The following RNGTT variants were observed in gnomAD, a reference collection of about 807,000 sequenced individuals.
RNGTT encodes the protein RNA guanylyltransferase and 5'-phosphatase, also known as mRNA-capping enzyme.
RNGTT carries 33 observed loss-of-function variants against 79.3 expected under a neutral mutation model. The observed-to-expected ratio is 0.42, with a 90% CI of 0.32 to 0.56. The LOEUF is 0.56. Among genes scored for constraint, RNGTT ranks in the 20% least tolerant of loss-of-function variants. RNGTT has a pLI of 0.17. For synonymous variants in RNGTT, 222 were observed against 235.9 expected, an observed-to-expected ratio of 0.94 and a Z score of 0.54; for missense variants, 497 against 739.1, an observed-to-expected ratio of 0.67 and a Z score of 3.80.
At chr6:88,818,849 G>GT (rs1780411739) in intron 11 of RNGTT, among the ~76,000 whole-genome samples, 1 of 152,110 alleles carries the variant, frequency 6.6e-6, no homozygotes, top group East Asian at 1.9e-4. Context: ...TAATCATTAT[G>GT]TTTTTTCTAT....
At chr6:88,679,596 G>A (rs1363226116) in intron 13 of RNGTT, among the ~76,000 whole-genome samples, 3 of 152,116 alleles carry the variant, frequency 2.0e-5, no homozygotes, top group Non-Finnish European at 4.4e-5. Context: ...AATGGTAATG[G>A]TTATGGTCTC....
chr6:88,749,466 G>A (rs1777772060), intron 13 of RNGTT, among the ~76,000 whole-genome samples: 1 of 150,376 alleles, frequency 6.6e-6, no homozygotes, highest in Non-Finnish European at 1.5e-5. Flanking sequence ...TTTAAATTGA[G>A]CAGGGAAAAA....
At chr6:88,945,004 G>T (rs1784959487) in intron 1 of RNGTT, among the ~76,000 whole-genome samples, 1 of 152,188 alleles carries the variant, frequency 6.6e-6, no homozygotes, top group South Asian at 2.1e-4. Context: ...CATCCCAGCA[G>T]CTTCTGCTGA....
chr6:88,867,894 T>C (rs1285537560), intron 8 of RNGTT, among the ~76,000 whole-genome samples: 1 of 152,234 alleles, frequency 6.6e-6, no homozygotes, highest in East Asian at 1.9e-4. Context: ...TTAATTATAC[T>C]GAAAATGGGA....
chr6:88,782,940 G>A (rs974822841), intron 12 of RNGTT, among the ~76,000 whole-genome samples: 4 of 152,028 alleles, frequency 2.6e-5, no homozygotes, highest in African/African-American at 4.8e-5. Context: ...TGTATACTTC[G>A]GTGAGAATGT....
intron 13 of RNGTT, among the ~76,000 whole-genome samples, chr6:88,707,613 G>C (rs773769442): frequency 6.6e-6 from 1 of 151,638 alleles, no homozygotes; most frequent in Non-Finnish European, 1.5e-5. Context: ...CTTAATGTCA[G>C]TGCCTGTTTC....
intron 1 of RNGTT, among the ~76,000 whole-genome samples, chr6:88,950,731 C>T (rs116550012): frequency 0.024 from 3,608 of 152,094 alleles, 147 homozygotes; most frequent in African/African-American, 0.08. Flanking sequence ...ACTCAGGAGG[C>T]GGGGATGGGA....
At chr6:88,847,303 C>T (rs1008997770) in intron 10 of RNGTT, among the ~76,000 whole-genome samples, 6 of 151,814 alleles carry the variant, frequency 4.0e-5, no homozygotes, top group African/African-American at 1.5e-4. Context: ...TCTTTGTATA[C>T]CCAGTACATA....
chr6:88,656,955 T>C (rs1014698465), intron 14 of RNGTT, among the ~76,000 whole-genome samples: 5 of 151,914 alleles, frequency 3.3e-5, no homozygotes, highest in Non-Finnish European at 7.4e-5. Context: ...CTGAACATGG[T>C]GGCAACATGC....
intron 12 of RNGTT, among the ~76,000 whole-genome samples, chr6:88,776,190 C>T (rs1431440611): frequency 6.6e-6 from 1 of 152,146 alleles, no homozygotes; most frequent in Admixed American, 6.6e-5. Context: ...CCTTCACCAA[C>T]TATTTTGTAT....
rs139725617 is a variant in RNGTT at position 88,883,853 on chromosome 6, AAAAG to A, written c.896+6638_896+6641del. Among the ~76,000 whole-genome samples the A allele has an allele frequency of 4.8e-3, 729 of 152,336 alleles. 2 individuals are homozygous for A. Among genetic ancestry groups the A allele is most frequent in the African/African-American group, 0.017 (691 of 41,572 alleles). On this transcript the variant is annotated intron_variant, in intron 8 of 15. Transcript: ENST00000369485. ...CATGAACAAAGTCAAAAGACAACAGAAAAGAAACAAGGACAGATAATTCACAAAA... is the reference window on the plus strand; with the variant it reads ...CATGAACAAAGTCAAAAGACAACAGAAAACAAGGACAGATAATTCACAAAA...
intron 11 of RNGTT, among the ~76,000 whole-genome samples, chr6:88,835,026 T>C (rs1280656502): frequency 6.6e-6 from 1 of 152,118 alleles, no homozygotes; most frequent in Non-Finnish European, 1.5e-5. Context: ...ATCTTAACAT[T>C]TACTACTCTT....
rs73754804 is a variant in RNGTT at position 88,708,757 on chromosome 6, T to A, written c.1440-30338A>T. Among the ~76,000 whole-genome samples, 442 of 152,312 alleles carry A rather than the reference T, an allele frequency of 2.9e-3. 3 individuals are homozygous for A. The highest frequency in any genetic ancestry group is 9.9e-3 in the African/African-American group (413 of 41,570). ...AAAATGGCATTTATGCTATTTTTTT[T>A]AATTTTTTAATTTTCCCTGTTGTTG... On this transcript the variant is annotated intron_variant, in intron 13 of 15. Coordinates refer to ENST00000369485, the MANE Select transcript of RNGTT (RefSeq NM_003800.5).
chr6:88,652,062 A>G (rs1422095483), intron 14 of RNGTT, among the ~76,000 whole-genome samples: 1 of 152,192 alleles, frequency 6.6e-6, no homozygotes, highest in African/African-American at 2.4e-5. Context: ...ACTATTATTA[A>G]CTGAGTCAAC....
intron 9 of RNGTT, among the ~76,000 whole-genome samples, chr6:88,853,336 C>G (rs1469345264): frequency 6.6e-6 from 1 of 152,042 alleles, no homozygotes; most frequent in Non-Finnish European, 1.5e-5. Context: ...GAAACACCTT[C>G]TCTACTAAAA....
intron 13 of RNGTT, among the ~76,000 whole-genome samples, chr6:88,684,578 G>A (rs1775206305): frequency 6.6e-6 from 1 of 152,054 alleles, no homozygotes; most frequent in African/African-American, 2.4e-5. Flanking sequence ...GCCACGAAAA[G>A]ACACAGAGGA....
intron 14 of RNGTT, among the ~76,000 whole-genome samples, chr6:88,651,253 G>T (rs534425485): frequency 6.6e-6 from 1 of 152,122 alleles, no homozygotes; most frequent in Non-Finnish European, 1.5e-5. Context: ...AAGGGTTCAA[G>T]AACTATAATA....
chr6:88,949,843 A>G (rs544042057), intron 1 of RNGTT, among the ~76,000 whole-genome samples: 1 of 152,244 alleles, frequency 6.6e-6, no homozygotes, highest in South Asian at 2.1e-4. Context: ...CAGAAGATAT[A>G]GCTAAGATAA....
intron 13 of RNGTT, among the ~76,000 whole-genome samples, chr6:88,767,698 A>C (rs984865504): frequency 2.0e-5 from 3 of 149,446 alleles, no homozygotes; most frequent in Non-Finnish European, 4.4e-5. Flanking sequence ...AAAAAAAAAA[A>C]AAAAAACAGC....
Sources: gnomAD v4.1 joint callset for allele counts (sites outside exome capture counted in the v4.1 genomes callset) on GRCh38, gnomAD v4.1.1 for gene constraint, MANE v1.5 for transcripts, NCBI Gene and HGNC (gene_info 2026-07-23, HGNC 2026-07-21) for gene names.